Variants in BFAR observed in about 807,000 individuals in gnomAD.
BFAR encodes the protein bifunctional apoptosis regulator, also known as RING finger protein 47.
Under a neutral mutation model 54.4 loss-of-function variants are expected in BFAR, and 52 were observed. The observed-to-expected ratio is 0.96, with a 90% CI of 0.77 to 1.21. The LOEUF (loss-of-function observed/expected upper bound fraction) is 1.21, where lower values mean the gene tolerates loss of function less well. BFAR is among the 50% of genes most tolerant of loss of function. The probability of loss-of-function intolerance (pLI) is 0.00; values close to 1 mark genes in which losing one functional copy is unlikely to be tolerated. For synonymous variants in BFAR, 215 were observed against 204.3 expected (o/e 1.05, Z -0.45); for missense variants, 571 against 534.0 (o/e 1.07, Z -0.68).
chr16:14,652,660 A>G (rs1177247001), intron 4 of BFAR, among the ~76,000 whole-genome samples: 1 of 152,214 alleles, frequency 6.6e-6, no homozygotes, highest in Non-Finnish European at 1.5e-5. Flanking sequence ...ACTCTTCAGA[A>G]AACAATTTAT....
intron 1 of BFAR, among the ~76,000 whole-genome samples, chr16:14,643,342 C>T (rs1959685240): frequency 6.6e-6 from 1 of 151,980 alleles, no homozygotes; most frequent in East Asian, 1.9e-4. Flanking sequence ...ATTGAGAACA[C>T]TGAGATCAGG....
chr16:14,647,406 A>G (rs1046709144), intron 2 of BFAR, among the ~76,000 whole-genome samples: 34 of 152,032 alleles, frequency 2.2e-4, no homozygotes, highest in Admixed American at 9.2e-4. Context: ...CTAAACATAC[A>G]TGTGCCAGGC....
At position 14,644,462 on chromosome 16, in the gene BFAR, A is replaced by G. The variant is rs751218926; in HGVS notation, c.116A>G (p.Asp39Gly). The G allele has an allele frequency of 1.2e-6, 2 of 1,614,046 alleles. No individual in the cohort carries two copies. The highest frequency in any genetic ancestry group is 3.3e-5 in the Admixed American group (2 of 59,992). Residue 39 changes from aspartate to glycine, a missense_variant, in exon 2 of 8, where the codon GAC (aspartate) becomes GGC (glycine). Physicochemically the swap from Asp to Gly is moderately conservative, Grantham distance 94. Transcript: ENST00000261658. ...GAATTTTCTTGCCACTGCTGCTACG[A>G]CATCCTGGTTAACCCCACCACCTTG... Reference protein sequence around the residue: ...VSEFSCHCCYDILVNPTTLNC... With the variant: ...VSEFSCHCCYGILVNPTTLNC...
In BFAR at chr16:14,669,186, C is replaced by T. The variant is rs945960884; in HGVS notation, c.*1359C>T. On this transcript the variant is annotated 3_prime_UTR_variant, in exon 8 of 8. Coordinates refer to ENST00000261658, the MANE Select transcript of BFAR (RefSeq NM_016561.3). ...TACTCAAAAGTTGCATCTGGAAGTT[C>T]GAAGAAATTACTTGAAATAAAAATA... is the stretch of plus-strand genomic sequence containing the variant. 12 of 315,036 alleles carry T rather than the reference C, an allele frequency of 3.8e-5. No individual in the cohort carries two copies. The highest frequency in any genetic ancestry group is 6.6e-5 in the African/African-American group (3 of 45,660). 19.5% of individuals were successfully genotyped at this position (315,036 alleles called of 1,614,324 possible). A position where few individuals can be genotyped will look rare whatever the true frequency, so the allele number is the denominator to read the frequency against.
chr16:14,655,118 G>C lies in BFAR; in HGVS notation c.691G>C (p.Glu231Gln). The C allele has an allele frequency of 6.2e-7, 1 of 1,612,204 alleles. No individual in the cohort carries two copies. The highest frequency in any genetic ancestry group is 1.1e-5 in the South Asian group (1 of 90,856). The change falls in exon 5 of 8, where the codon GAA becomes CAA. Residue 231 changes from glutamate (E) to glutamine (Q), a missense_variant. Coordinates refer to ENST00000261658, the MANE Select transcript of BFAR (RefSeq NM_016561.3). ...EEFSKTPYTI[E>Q]NSSHRRAILM... is the part of the protein sequence containing the mutation. ...ATTTTCCAAGACGCCCTATACCATA[G>C]AAAACAGCAGCCACAGGAGAGCCAT...
At chr16:14,643,309 CAAA>C (rs1265911361) in intron 1 of BFAR, among the ~76,000 whole-genome samples, 1 of 116,458 alleles carries the variant, frequency 8.6e-6, no homozygotes, top group African/African-American at 3.2e-5. Context: ...GACTTCGTCT[CAAA>C]AAAAAAAAAA....
At chr16:14,653,027 T>C (rs1960019350) in intron 4 of BFAR, among the ~76,000 whole-genome samples, 2 of 152,188 alleles carry the variant, frequency 1.3e-5, no homozygotes, top group African/African-American at 4.8e-5. Context: ...TAGCTTTATA[T>C]AGAAATTCAC....
At chr16:14,665,287 A>G (rs763591409) in intron 7 of BFAR, 15 of 559,176 alleles carry the variant, frequency 2.7e-5, no homozygotes, top group African/African-American at 9.6e-5. Flanking sequence ...GTATTTTCCT[A>G]TATGTCTTAT....
In BFAR at chr16:14,638,412, T is replaced by G. The variant is rs1037349312; in HGVS notation, c.-74+5394T>G. 2.0e-5 allele frequency among the ~76,000 whole-genome samples: 3 copies of G among 152,260 alleles called. No individual in the cohort carries two copies. The Middle Eastern group carries it at 0.01, about 518-fold the overall frequency. On this transcript the variant is annotated intron_variant, in intron 1 of 7. Coordinates refer to ENST00000261658, the MANE Select transcript of BFAR (RefSeq NM_016561.3). ...AAAAGAAGAAATGATTGAAATCATA[T>G]TTTTCAGGCTGGACTTCCAATAAAG...
intron 4 of BFAR, among the ~76,000 whole-genome samples, chr16:14,652,450 T>C (rs2151840412): frequency 2.0e-5 from 3 of 151,822 alleles, no homozygotes; most frequent in Admixed American, 2.0e-4. Flanking sequence ...GTGGCTAATT[T>C]TTGTATTTTT....
intron 4 of BFAR, among the ~76,000 whole-genome samples, chr16:14,652,273 A>T (rs1959991988): frequency 6.6e-6 from 1 of 151,536 alleles, no homozygotes; most frequent in Non-Finnish European, 1.5e-5. Context: ...ACACCACATT[A>T]ATATATATTT....
At chr16:14,636,492 G>C (rs1596961705) in intron 1 of BFAR, among the ~76,000 whole-genome samples, 1 of 152,240 alleles carries the variant, frequency 6.6e-6, no homozygotes, top group Non-Finnish European at 1.5e-5. Flanking sequence ...TTACAGAGCG[G>C]TATTGTTGCC....
At chr16:14,633,807 C>T (rs544621758) in intron 1 of BFAR, among the ~76,000 whole-genome samples, 42 of 152,270 alleles carry the variant, frequency 2.8e-4, no homozygotes, top group Admixed American at 5.9e-4. Context: ...CCCGCGTAAC[C>T]ACGCCCGGCT....
intron 1 of BFAR, among the ~76,000 whole-genome samples, chr16:14,636,455 A>G (rs1266845722): frequency 6.6e-6 from 1 of 152,280 alleles, no homozygotes; most frequent in Non-Finnish European, 1.5e-5. Context: ...TGCTTTAGAT[A>G]TGCATACACA....
chr16:14,652,453 G>T (rs903883268), intron 4 of BFAR, among the ~76,000 whole-genome samples: 2 of 151,242 alleles, frequency 1.3e-5, no homozygotes, highest in Non-Finnish European at 2.9e-5. Context: ...GCTAATTTTT[G>T]TATTTTTAGT....
At chr16:14,642,058 G>T (rs1366533997) in intron 1 of BFAR, among the ~76,000 whole-genome samples, 1 of 152,142 alleles carries the variant, frequency 6.6e-6, no homozygotes, top group Admixed American at 6.6e-5. Context: ...CAGAGGTGGG[G>T]TGAGAACCCA....
At position 14,645,048 on chromosome 16, in the gene BFAR, T is replaced by A. The variant is rs543684694; in HGVS notation, c.263+439T>A. On this transcript the variant is annotated intron_variant, in intron 2 of 7. Coordinates refer to ENST00000261658, the MANE Select transcript of BFAR (RefSeq NM_016561.3). ...GTCATATAAAGGCCAGACCAGTGGCTCACGCCTGTAATCCCAACACTTTCA... is the reference window on the plus strand; with the variant it reads ...GTCATATAAAGGCCAGACCAGTGGCACACGCCTGTAATCCCAACACTTTCA... Among the ~76,000 whole-genome samples, 19 of 152,334 alleles carry A rather than the reference T, an allele frequency of 1.2e-4. No homozygotes were observed. In the East Asian group the frequency reaches 3.7e-3, roughly 29 times the overall value.
rs1014213419 is a variant in BFAR at position 14,667,849 on chromosome 16, C to G, written c.*22C>G. 3 of 1,606,198 alleles carry G rather than the reference C, an allele frequency of 1.9e-6. No homozygotes were observed. Among genetic ancestry groups the G allele is most frequent in the Non-Finnish European group, 1.7e-6 (2 of 1,173,472 alleles). On this transcript the variant is annotated 3_prime_UTR_variant, in exon 8 of 8. Coordinates refer to ENST00000261658, the MANE Select transcript of BFAR (RefSeq NM_016561.3). Reference sequence around the variant, plus strand: ...GTGACTGGCACTGCCCAGGCTGAGACTCTTCAAGTCCCGCTGACGTCTGAG... The same window carrying G: ...GTGACTGGCACTGCCCAGGCTGAGAGTCTTCAAGTCCCGCTGACGTCTGAG...
chr16:14,656,509 C>A (rs930076132), intron 5 of BFAR, among the ~76,000 whole-genome samples: 11 of 151,094 alleles, frequency 7.3e-5, no homozygotes, highest in African/African-American at 2.4e-4. Context: ...AAAAAAAGGC[C>A]CTGGCACTAG....
Sources: allele counts gnomAD v4.1 joint callset (sites outside exome capture counted in the v4.1 genomes callset), GRCh38; gene constraint gnomAD v4.1.1; transcripts MANE v1.5; gene names NCBI Gene and HGNC (gene_info 2026-07-23, HGNC 2026-07-21).